PSD3: variants seen among roughly 807,000 people sequenced by gnomAD.
PSD3 encodes the protein pleckstrin and Sec7 domain containing 3.
A neutral mutation model predicts 105.5 loss-of-function variants in PSD3; 49 were observed. That is an observed-to-expected ratio of 0.46 (90% CI 0.37 to 0.59). The LOEUF (loss-of-function observed/expected upper bound fraction) is 0.59, where lower values mean the gene tolerates loss of function less well. Ranked by LOEUF, PSD3 falls within the 20% of genes least tolerant of loss-of-function variation. The probability of loss-of-function intolerance (pLI) is 0.00; values close to 1 mark genes in which losing one functional copy is unlikely to be tolerated. For missense variants in PSD3, 1,561 were observed against 1,263.8 expected (o/e 1.24, Z -3.57); for synonymous variants, 557 against 457.8 (o/e 1.22, Z -2.77).
At position 18,678,239 on chromosome 8, in the gene PSD3, G is replaced by A. The variant is rs192391869; in HGVS notation, c.2173-22554C>T. On this transcript the variant is annotated intron_variant, in intron 9 of 15. Transcript: ENST00000327040. ...AATGCCAGGATTAGAACTAGTGCAGGAGGATGTTGATATTTTGACCTAATA... is the reference window on the plus strand; with the variant it reads ...AATGCCAGGATTAGAACTAGTGCAGAAGGATGTTGATATTTTGACCTAATA... 1.1e-3 allele frequency among the ~76,000 whole-genome samples: 170 copies of A among 152,234 alleles called. 1 individual carries two copies. The highest frequency in any genetic ancestry group is 4.0e-3 in the African/African-American group (166 of 41,560).
intron 1 of PSD3, among the ~76,000 whole-genome samples, chr8:19,074,972 G>T (rs892057844): frequency 1.3e-5 from 2 of 150,028 alleles, no homozygotes; most frequent in African/African-American, 4.9e-5. Flanking sequence ...TTGAGATGGA[G>T]TCTTGCCCTT....
rs1362250476 is a variant in PSD3 at position 18,775,397 on chromosome 8, C to T, written c.2083-9859G>A. Among the ~76,000 whole-genome samples, 3 of 152,134 alleles carry T rather than the reference C, an allele frequency of 2.0e-5. No individual in the cohort carries two copies. In the East Asian group the frequency reaches 5.8e-4, roughly 29 times the overall value. Reference sequence around the variant, plus strand: ...ATACCAAGCAGTGGGAATGGAGAGTCATATGGTAGTTCTATAGTTTTTCAA... The same window carrying T: ...ATACCAAGCAGTGGGAATGGAGAGTTATATGGTAGTTCTATAGTTTTTCAA... On this transcript the variant is annotated intron_variant, in intron 8 of 15. Transcript: ENST00000327040.
chr8:18,709,323 G>C (rs1802097963), intron 9 of PSD3, among the ~76,000 whole-genome samples: 2 of 152,208 alleles, frequency 1.3e-5, no homozygotes, highest in Admixed American at 6.5e-5. Flanking sequence ...TCCAGCCAGG[G>C]ATTTAGGATA....
intron 15 of PSD3, among the ~76,000 whole-genome samples, chr8:18,536,972 A>T (rs552280997): frequency 9.8e-5 from 15 of 152,376 alleles, no homozygotes; most frequent in Non-Finnish European, 1.6e-4. Context: ...AAAGGCAGGC[A>T]AATTCTGTTT....
chr8:18,557,869 G>A (rs928075914), intron 14 of PSD3, among the ~76,000 whole-genome samples: 2 of 152,174 alleles, frequency 1.3e-5, no homozygotes, highest in African/African-American at 4.8e-5. Context: ...ACTATGTTAT[G>A]GATTGAATGT....
intron 9 of PSD3, among the ~76,000 whole-genome samples, chr8:18,671,125 C>A (rs1482237039): frequency 6.6e-6 from 1 of 152,064 alleles, no homozygotes; most frequent in Non-Finnish European, 1.5e-5. Context: ...TGATGGGAGG[C>A]AGCAAAGGCA....
At chr8:18,736,422 T>G (rs1455604128) in intron 9 of PSD3, among the ~76,000 whole-genome samples, 1 of 152,196 alleles carries the variant, frequency 6.6e-6, no homozygotes, top group African/African-American at 2.4e-5. Flanking sequence ...TGCTGGGAAT[T>G]TTATCATCAA....
chr8:18,700,204 C>T (rs1443749293), intron 9 of PSD3, among the ~76,000 whole-genome samples: 1 of 152,156 alleles, frequency 6.6e-6, no homozygotes, highest in Non-Finnish European at 1.5e-5. Flanking sequence ...CAAACCCAGA[C>T]AATAATGCAG....
intron 1 of PSD3, among the ~76,000 whole-genome samples, chr8:18,976,231 A>G (rs1443370310): frequency 5.3e-5 from 8 of 152,258 alleles, no homozygotes; most frequent in African/African-American, 1.9e-4. Context: ...TATTAAAAAT[A>G]AAACTATCCA....
intron 12 of PSD3, among the ~76,000 whole-genome samples, chr8:18,599,256 A>G (rs143184246): frequency 2.6e-5 from 4 of 152,180 alleles, no homozygotes; most frequent in African/African-American, 4.8e-5. Context: ...GACAAATTCA[A>G]CACATATATG....
chr8:18,594,254 T>TATAATATATATTTTATATA (rs1803881857), intron 12 of PSD3, among the ~76,000 whole-genome samples: 1 of 19,284 alleles, frequency 5.2e-5, no homozygotes, highest in African/African-American at 1.8e-4. Flanking sequence ...ATATATATTA[T>TATAATATATATTTTATATA]ATAATATATA....
rs1026016562 is a variant in PSD3 at position 18,810,247 on chromosome 8, C to T, written c.1635-5349G>A. On this transcript the variant is annotated intron_variant, in intron 4 of 15. Transcript: ENST00000327040. Reference sequence around the variant, plus strand: ...TGGTTTGAATCCTCAACACAAGGGGCGGCTGAAGGTACTCAACAGCCATCT... The same window carrying T: ...TGGTTTGAATCCTCAACACAAGGGGTGGCTGAAGGTACTCAACAGCCATCT... Among the ~76,000 whole-genome samples the T allele has an allele frequency of 3.3e-5, 5 of 152,258 alleles. No individual in the cohort carries two copies. In the East Asian group the frequency reaches 7.7e-4, roughly 23 times the overall value.
chr8:18,986,049 T>C (rs1242581036), intron 1 of PSD3, among the ~76,000 whole-genome samples: 3 of 152,180 alleles, frequency 2.0e-5, no homozygotes, highest in Non-Finnish European at 2.9e-5. Context: ...AGTAGAACCT[T>C]AAAATACACA....
intron 1 of PSD3, among the ~76,000 whole-genome samples, chr8:19,011,604 T>G (rs1826952063): frequency 6.6e-6 from 1 of 152,216 alleles, no homozygotes; most frequent in Non-Finnish European, 1.5e-5. Context: ...TACTCAATTT[T>G]TTAAATTACT....
intron 10 of PSD3, among the ~76,000 whole-genome samples, chr8:18,645,419 T>G (rs1183509511): frequency 6.6e-6 from 1 of 152,242 alleles, no homozygotes; most frequent in Non-Finnish European, 1.5e-5. Flanking sequence ...CAATATTTCC[T>G]TCAAGTTAAT....
chr8:18,709,541 G>C lies in PSD3; in HGVS notation c.2173-53856C>G, dbSNP rs566527050. 5.3e-5 allele frequency among the ~76,000 whole-genome samples: 8 copies of C among 152,330 alleles called. No homozygotes were observed. The East Asian group carries it at 1.5e-3, about 29-fold the overall frequency. ...TCCCTGATCCTGTGCCCCCTGACTA[G>C]GTGAAACCTCCCAACAGAAGTCATC... On this transcript the variant is annotated intron_variant, in intron 9 of 15. Transcript: ENST00000327040.
chr8:18,611,797 C>G (rs961565824), intron 11 of PSD3, among the ~76,000 whole-genome samples: 1 of 152,120 alleles, frequency 6.6e-6, no homozygotes, highest in Non-Finnish European at 1.5e-5. Flanking sequence ...CAGCTGTAAC[C>G]TAGGAAGCTG....
intron 15 of PSD3, among the ~76,000 whole-genome samples, chr8:18,550,460 C>A (rs1800693154): frequency 6.6e-6 from 1 of 152,156 alleles, no homozygotes; most frequent in Non-Finnish European, 1.5e-5. Flanking sequence ...AATTGTAATA[C>A]AGAATCTCTT....
At chr8:18,844,454 A>G (rs1329029333) in intron 4 of PSD3, among the ~76,000 whole-genome samples, 1 of 152,198 alleles carries the variant, frequency 6.6e-6, no homozygotes, top group African/African-American at 2.4e-5. Context: ...TCTTACATGG[A>G]AACAACTTAA....
Sources: gnomAD v4.1 joint callset for allele counts (sites outside exome capture counted in the v4.1 genomes callset) on GRCh38, gnomAD v4.1.1 for gene constraint, MANE v1.5 for transcripts, NCBI Gene and HGNC (gene_info 2026-07-23, HGNC 2026-07-21) for gene names.